EIF4G3: variants seen among roughly 807,000 people sequenced by gnomAD.
EIF4G3 encodes the protein eIF-4-gamma 3.
EIF4G3 carries 34 observed loss-of-function variants against 186.4 expected under a neutral mutation model. The observed-to-expected ratio is 0.18, with a 90% CI of 0.14 to 0.24. The LOEUF (loss-of-function observed/expected upper bound fraction) is 0.24. EIF4G3 is among the 10% of genes least tolerant of loss of function. The pLI is 1.00. For synonymous variants in EIF4G3, 673 were observed against 679.5 expected (o/e 0.99, Z 0.15); for missense variants, 1,536 against 1,948.5 (o/e 0.79, Z 3.99).
intron 20 of EIF4G3, among the ~76,000 whole-genome samples, chr1:20,871,701 T>C (rs1201053643): frequency 6.6e-6 from 1 of 152,210 alleles, no homozygotes; most frequent in Admixed American, 6.5e-5. Flanking sequence ...CAAATCTGCT[T>C]ATGCCAGCAT....
chr1:21,117,900 C>A (rs2096857372), intron 2 of EIF4G3, among the ~76,000 whole-genome samples: 1 of 152,082 alleles, frequency 6.6e-6, no homozygotes, highest in Non-Finnish European at 1.5e-5. Context: ...TTGTTCAACA[C>A]AGACCAGCCA....
At chr1:20,847,681 GA>G in intron 29 of EIF4G3, 1 of 407,328 alleles carries the variant, frequency 2.5e-6, no homozygotes, top group South Asian at 1.8e-5. Flanking sequence ...CAATTTATAA[GA>G]ATACCCCTAA....
At position 20,813,042 on chromosome 1, in the gene EIF4G3, A is replaced by G. The variant is rs757780758; in HGVS notation, c.4597+116T>C. 7.2e-6 allele frequency: 5 copies of G among 697,912 alleles called. No individual in the cohort carries two copies. The East Asian group carries it at 8.3e-5, about 12-fold the overall frequency. 43.2% of individuals were successfully genotyped at this position (697,912 alleles called of 1,614,324 possible). ...CACAGACAGAAAGGACAGTGCACAG[A>G]AAAGTGAGCTACATAGGAGAAGTTT... On this transcript the variant is annotated intron_variant, in intron 35 of 36. Transcript: ENST00000602326.
intron 4 of EIF4G3, among the ~76,000 whole-genome samples, chr1:21,013,388 G>T (rs1245741742): frequency 1.3e-5 from 2 of 152,160 alleles, no homozygotes; most frequent in Non-Finnish European, 2.9e-5. Context: ...GGTTGCCCTT[G>T]CTCCAATCCC....
At chr1:20,822,588 CTTTTT>C (rs71014119) in intron 33 of EIF4G3, among the ~76,000 whole-genome samples, 1 of 129,730 alleles carries the variant, frequency 7.7e-6, no homozygotes, top group Non-Finnish European at 1.7e-5. Flanking sequence ...GTTCTAATTT[CTTTTT>C]TTTTTTTTTT....
intron 14 of EIF4G3, among the ~76,000 whole-genome samples, chr1:20,924,641 C>CT (rs566961916): frequency 1.1e-3 from 170 of 152,320 alleles, no homozygotes; most frequent in African/African-American, 3.8e-3. Flanking sequence ...TGTCGGCTTA[C>CT]TGCCAACTCA....
At chr1:21,176,564 CCGA>C (rs1462752919) in intron 1 of EIF4G3, among the ~76,000 whole-genome samples, 155 bp downstream of exon 1, 5 of 140,424 alleles carry the variant, frequency 3.6e-5, no homozygotes, top group African/African-American at 2.6e-5. Context: ...TCACACACGC[CCGA>C]CGCCGCCGCC....
chr1:20,991,797 T>C (rs1225191338), intron 7 of EIF4G3, among the ~76,000 whole-genome samples: 4 of 152,056 alleles, frequency 2.6e-5, no homozygotes, highest in Non-Finnish European at 4.4e-5. Context: ...AGCATCCTTA[T>C]AAAATACTTC....
At chr1:21,026,988 C>T (rs2092212172) in intron 4 of EIF4G3, among the ~76,000 whole-genome samples, 1 of 143,534 alleles carries the variant, frequency 7.0e-6, no homozygotes, top group African/African-American at 2.6e-5. Flanking sequence ...ACTCCTAAAA[C>T]TCAATCACAA....
intron 4 of EIF4G3, among the ~76,000 whole-genome samples, chr1:21,028,075 A>G (rs2092356647): frequency 6.6e-6 from 1 of 152,244 alleles, no homozygotes; most frequent in Non-Finnish European, 1.5e-5. Context: ...ATGTAGTTAA[A>G]GAATAGCCAA....
At chr1:21,098,248 A>G (rs1395897745) in intron 2 of EIF4G3, among the ~76,000 whole-genome samples, 9 of 152,196 alleles carry the variant, frequency 5.9e-5, no homozygotes, top group Admixed American at 4.6e-4. Flanking sequence ...TCTAGGATAC[A>G]TGAAGAAACT....
intron 16 of EIF4G3, among the ~76,000 whole-genome samples, chr1:20,896,711 G>C (rs569752624): frequency 6.6e-6 from 1 of 152,194 alleles, no homozygotes; most frequent in Admixed American, 6.5e-5. Flanking sequence ...CACTCATCTA[G>C]AACAACTTCA....
chr1:20,811,254 T>C (rs2059180368), intron 35 of EIF4G3, among the ~76,000 whole-genome samples: 2 of 150,686 alleles, frequency 1.3e-5, no homozygotes, highest in African/African-American at 2.4e-5. Context: ...GCTCCTGGCC[T>C]TTCTTCTTCT....
Position 20,890,888 on chromosome 1 carries a change from CTT to C in EIF4G3, c.2253+2627_2253+2628del, listed in dbSNP as rs1249442138. On this transcript the variant is annotated intron_variant, in intron 18 of 36. Coordinates refer to ENST00000602326, the MANE Select transcript of EIF4G3 (RefSeq NM_001391906.1). ...TCTAGGAGATAGGCTGGAAGAATAA[CTT>C]GTGTTAAGGCTTAACATATCAACAT... is the stretch of plus-strand genomic sequence containing the variant. Among the ~76,000 whole-genome samples, 3 of 152,294 alleles carry C rather than the reference CTT, an allele frequency of 2.0e-5. No individual in the cohort carries two copies. In the East Asian group the frequency reaches 5.8e-4, roughly 29 times the overall value.
At chr1:21,096,709 A>C (rs559819161) in intron 2 of EIF4G3, among the ~76,000 whole-genome samples, 1 of 152,340 alleles carries the variant, frequency 6.6e-6, no homozygotes, top group East Asian at 1.9e-4. Flanking sequence ...CAGACTTTAA[A>C]AAGCTATCTT....
intron 2 of EIF4G3, chr1:21,174,771 A>C (rs2098068091): frequency 6.6e-6 from 1 of 152,188 alleles, no homozygotes; most frequent in Admixed American, 6.5e-5. Flanking sequence ...ACAATTCCTA[A>C]TTGAACAGAA....
chr1:21,089,315 C>G (rs1454714366), intron 2 of EIF4G3, 102 bp from the exon 3 acceptor site: 7 of 667,678 alleles, frequency 1.0e-5, no homozygotes, highest in Non-Finnish European at 1.9e-5. Flanking sequence ...GCATTTTCAC[C>G]CAATTAGTGA....
At chr1:20,938,038 C>G (rs951487714) in intron 14 of EIF4G3, among the ~76,000 whole-genome samples, 10 of 151,882 alleles carry the variant, frequency 6.6e-5, no homozygotes, top group Admixed American at 3.3e-4. Flanking sequence ...GCTCAGTTGC[C>G]TAGGCTGGAG....
chr1:21,167,401 G>T (rs779014996), intron 2 of EIF4G3, among the ~76,000 whole-genome samples: 1 of 152,074 alleles, frequency 6.6e-6, no homozygotes, highest in Admixed American at 6.6e-5. Flanking sequence ...AGACGCGATG[G>T]CTCACGCCTG....
Sources: gnomAD v4.1 joint callset for allele counts (sites outside exome capture counted in the v4.1 genomes callset) on GRCh38, gnomAD v4.1.1 for gene constraint, MANE v1.5 for transcripts, NCBI Gene and HGNC (gene_info 2026-07-23, HGNC 2026-07-21) for gene names.